NCOR1: variants seen among roughly 807,000 people sequenced by gnomAD.
The protein encoded by NCOR1 is protein phosphatase 1, regulatory subunit 109.
Under a neutral mutation model 288.1 loss-of-function variants are expected in NCOR1, and 63 were observed. The ratio of observed to expected loss-of-function variants is 0.22; its 90% CI spans 0.18 to 0.27. The LOEUF is 0.27. Among genes scored for constraint, NCOR1 ranks in the 10% least tolerant of loss-of-function variants. The pLI, the probability that NCOR1 is intolerant of heterozygous loss-of-function variation, is 1.00. For synonymous variants in NCOR1, 1,007 were observed against 1,065.9 expected, an observed-to-expected ratio of 0.94 and a Z score of 1.08; for missense variants, 2,397 against 3,019.2, an observed-to-expected ratio of 0.79 and a Z score of 4.83.
chr17:16,160,277 C>T (rs1291637248), intron 5 of NCOR1, among the ~76,000 whole-genome samples: 2 of 151,978 alleles, frequency 1.3e-5, no homozygotes, highest in East Asian at 1.9e-4. Flanking sequence ...TAAATATTAC[C>T]GAGTATTACT....
intron 18 of NCOR1, 69 bp from the exon 19 acceptor site, chr17:16,108,981 T>C (rs2069386953): frequency 7.8e-7 from 1 of 1,281,426 alleles, no homozygotes. Context: ...TCTGAAATAA[T>C]GTAGAACATT....
intron 3 of NCOR1, among the ~76,000 whole-genome samples, chr17:16,174,064 A>G (rs893987692): frequency 6.6e-6 from 1 of 152,362 alleles, no homozygotes; most frequent in East Asian, 1.9e-4. Context: ...GACTTAATAC[A>G]TAGTAAGAAA....
In NCOR1 at chr17:16,124,525, A is replaced by G. The variant is rs553083319; in HGVS notation, c.1634+1557T>C. 3.3e-5 allele frequency among the ~76,000 whole-genome samples: 5 copies of G among 152,320 alleles called. No homozygotes were observed. In the East Asian group the frequency reaches 9.6e-4, roughly 29 times the overall value. ...AAAACACATCAATGTACACATTTCA[A>G]ACTGGTGAATTTTGTTCCATGTAAT... On this transcript the variant is annotated intron_variant, in intron 15 of 45. Transcript: ENST00000268712.
At chr17:16,104,212 G>C (rs200705662) in intron 19 of NCOR1, among the ~76,000 whole-genome samples, 1 of 152,068 alleles carries the variant, frequency 6.6e-6, no homozygotes, top group African/African-American at 2.4e-5. Flanking sequence ...GTACACAGTA[G>C]ACTCAAATAC....
At chr17:16,058,205 A>G (rs2060148374) in intron 38 of NCOR1, 141 bp from the exon 39 acceptor site, 7 of 910,496 alleles carry the variant, frequency 7.7e-6, no homozygotes, top group African/African-American at 1.7e-5. Context: ...AATTTTGGAG[A>G]AAAAAAAAAT....
intron 2 of NCOR1, chr17:16,192,272 G>C (rs1278767018): frequency 6.6e-6 from 1 of 152,230 alleles, no homozygotes; most frequent in Non-Finnish European, 1.5e-5. Context: ...CCCACACTTT[G>C]GGACGCCGAG....
chr17:16,100,018 G>C (rs1598601147), intron 20 of NCOR1, among the ~76,000 whole-genome samples: 1 of 151,996 alleles, frequency 6.6e-6, no homozygotes, highest in Non-Finnish European at 1.5e-5. Flanking sequence ...CACTCTGAAA[G>C]ATAAACTTTG....
chr17:16,068,030 C>G lies in NCOR1; in HGVS notation c.4605G>C (p.Val1535=). The change falls in exon 32 of 46, where the codon GTG becomes GTC. Residue 1535 remains valine (V), a synonymous_variant. Coordinates refer to ENST00000268712, the MANE Select transcript of NCOR1 (RefSeq NM_006311.4). The part of the protein sequence containing the change: ...QRESIPAKSP[V]PGVDPVVSHS... ...GGCTCACGACAGGGTCCACCCCAGG[C>G]ACTGGAGACTTCGCTGGGATACTTT... The G allele has an allele frequency of 6.2e-7, 1 of 1,614,202 alleles. No homozygotes were observed. The highest frequency in any genetic ancestry group is 8.5e-7 in the Non-Finnish European group (1 of 1,180,032).
intron 4 of NCOR1, among the ~76,000 whole-genome samples, chr17:16,168,859 T>G (rs1299923722): frequency 6.6e-6 from 1 of 151,664 alleles, no homozygotes; most frequent in East Asian, 2.0e-4. Flanking sequence ...TAGTCCCAGC[T>G]ACTCGGGAGG....
chr17:16,093,264 T>C (rs1486928221), intron 21 of NCOR1, among the ~76,000 whole-genome samples: 1 of 152,202 alleles, frequency 6.6e-6, no homozygotes, highest in Non-Finnish European at 1.5e-5. Flanking sequence ...CAGCCATCCT[T>C]GACTAATTAA....
intron 13 of NCOR1, chr17:16,137,878 T>G: frequency 2.9e-6 from 1 of 347,272 alleles, no homozygotes; most frequent in Non-Finnish European, 5.1e-6. Context: ...AGCACGAGAC[T>G]GATATTTTAA....
At chr17:16,160,943 T>A (rs997320456) in intron 5 of NCOR1, among the ~76,000 whole-genome samples, 1 of 151,980 alleles carries the variant, frequency 6.6e-6, no homozygotes, top group Non-Finnish European at 1.5e-5. Flanking sequence ...TTTAAAAAAA[T>A]AATAATAAAT....
intron 15 of NCOR1, among the ~76,000 whole-genome samples, chr17:16,124,730 A>G (rs1297483022): frequency 6.6e-6 from 1 of 152,204 alleles, no homozygotes; most frequent in Non-Finnish European, 1.5e-5. Flanking sequence ...TATAACTAAG[A>G]AAACAGCAGT....
intron 2 of NCOR1, among the ~76,000 whole-genome samples, chr17:16,190,060 T>C (rs2087791233): frequency 6.6e-6 from 1 of 152,058 alleles, no homozygotes; most frequent in African/African-American, 2.4e-5. Flanking sequence ...TGAGAGCCCA[T>C]CTCTATAAAA....
chr17:16,207,023 C>A (rs551318001), intron 1 of NCOR1, among the ~76,000 whole-genome samples: 1 of 152,068 alleles, frequency 6.6e-6, no homozygotes, highest in Admixed American at 6.6e-5. Flanking sequence ...CTTCTTCCTC[C>A]CCCCCAACAG....
chr17:16,152,282 C>A (rs2078992886), intron 7 of NCOR1, among the ~76,000 whole-genome samples: 1 of 152,094 alleles, frequency 6.6e-6, no homozygotes, highest in Non-Finnish European at 1.5e-5. Flanking sequence ...TTACGTATTT[C>A]TCCTAATGCT....
In NCOR1 at chr17:16,040,434, A is replaced by T. The variant is rs780267828; in HGVS notation, c.6733+7T>A. ...TGTATTGGTAAATAATGTCTTTTCA[A>T]TCTTACCTGACGTAGTAACTGCTGG... is the stretch of plus-strand genomic sequence containing the variant. On this transcript the variant is annotated splice_region_variant and intron_variant, in intron 43 of 45. Transcript: ENST00000268712. 2 of 1,613,144 alleles carry T rather than the reference A, an allele frequency of 1.2e-6. No homozygotes were observed. The highest frequency in any genetic ancestry group is 3.3e-5 in the Admixed American group (2 of 59,954).
chr17:16,086,260 C>A, intron 23 of NCOR1, 22 bp downstream of exon 23: 1 of 1,607,526 alleles, frequency 6.2e-7, no homozygotes, highest in Non-Finnish European at 8.5e-7. Flanking sequence ...AAGAAATCTA[C>A]TGTAAAGAGA....
chr17:16,098,359 A>C lies in NCOR1; in HGVS notation c.2820+8T>G. ...TATTTAGTTTTCTTCCTCACAATAA[A>C]AACTTACCATTGGTGGGATAACAGC... On this transcript the variant is annotated splice_region_variant and intron_variant, in intron 21 of 45. Transcript: ENST00000268712. The C allele has an allele frequency of 6.2e-7, 1 of 1,612,704 alleles. No individual in the cohort carries two copies. Among genetic ancestry groups the C allele is most frequent in the Non-Finnish European group, 8.5e-7 (1 of 1,179,688 alleles).
Sources: gnomAD v4.1 joint callset for allele counts (sites outside exome capture counted in the v4.1 genomes callset) on GRCh38, gnomAD v4.1.1 for gene constraint, MANE v1.5 for transcripts, NCBI Gene and HGNC (gene_info 2026-07-23, HGNC 2026-07-21) for gene names.